CREB3L1: variants seen among roughly 807,000 people sequenced by gnomAD.
CREB3L1 encodes the protein cAMP responsive element binding protein 3 like 1, also known as cyclic AMP-responsive element-binding protein 3-like protein 1.
Under a neutral mutation model 54.5 loss-of-function variants are expected in CREB3L1, and 33 were observed. The observed-to-expected ratio is 0.61, with a 90% CI of 0.46 to 0.81. The LOEUF is 0.81. Among genes scored for constraint, CREB3L1 ranks in the 30% least tolerant of loss-of-function variants. The pLI, the probability that CREB3L1 is intolerant of heterozygous loss-of-function variation, is 0.00. For synonymous variants in CREB3L1, 284 were observed against 286.4 expected (o/e 0.99, Z 0.08); for missense variants, 656 against 673.3 (o/e 0.97, Z 0.29).
At chr11:46,317,250 G>A (rs1939580680) in intron 9 of CREB3L1, 111 bp from the exon 10 acceptor site, 1 of 1,429,414 alleles carries the variant, frequency 7.0e-7, no homozygotes, top group Admixed American at 1.9e-5. Context: ...TGCTTCCTTG[G>A]GAAAACGCTA....
At chr11:46,317,542 C>A (rs1939586450) in intron 10 of CREB3L1, 55 bp downstream of exon 10, 1 of 1,593,610 alleles carries the variant, frequency 6.3e-7, no homozygotes, top group African/African-American at 1.3e-5. Context: ...CTGCCCCAGC[C>A]CCAGTGTCCA....
Position 46,316,404 on chromosome 11 carries a change from A to C in CREB3L1, c.1131+19A>C. On this transcript the variant is annotated intron_variant, in intron 9 of 11. Transcript: ENST00000621158. The stretch of plus-strand genomic sequence containing the variant: ...CCTCATGGTAGGTGTGGCTCCCTCC[A>C]CCACAGACCCACAGGAGGAGAGTTC... The C allele has an allele frequency of 4.1e-6, 6 of 1,456,494 alleles. No individual in the cohort carries two copies. Among genetic ancestry groups the C allele is most frequent in the Non-Finnish European group, 4.7e-6 (5 of 1,059,486 alleles). 90.2% of individuals were successfully genotyped at this position (1,456,494 alleles called of 1,614,324 possible).
chr11:46,281,384 T>C (rs1938970644), intron 1 of CREB3L1, among the ~76,000 whole-genome samples: 1 of 152,214 alleles, frequency 6.6e-6, no homozygotes, highest in African/African-American at 2.4e-5. Context: ...TGTCCCCTCC[T>C]TCCTCTGGCT....
intron 7 of CREB3L1, 41 bp downstream of exon 7, chr11:46,312,711 T>C: frequency 6.3e-7 from 1 of 1,584,338 alleles, no homozygotes. Context: ...CTCCCTTGCC[T>C]GACCTGCCCT....
Position 46,316,330 on chromosome 11 carries a change from A to G in CREB3L1, c.1076A>G (p.Asn359Ser), listed in dbSNP as rs746441038. Residue 359 changes from asparagine (N) to serine (S), a missense_variant, in exon 9 of 12, where the codon AAC (asparagine) becomes AGC (serine). Physicochemically the swap from Asn to Ser is conservative, Grantham distance 46. This residue lies in a region of CREB3L1 where 240 missense variants were observed against 219.8 expected (regional missense o/e 1.09). Transcript: ENST00000621158. ...QLQKLQTLVT[N>S]KISRPYKMAA... ...CAGAAACTCCAGACTCTGGTCACCA[A>G]CAAGATCTCCAGACCTTACAAGATG... 5.1e-6 allele frequency: 8 copies of G among 1,575,960 alleles called. No individual in the cohort carries two copies. In the South Asian group the frequency reaches 7.0e-5, roughly 14 times the overall value.
At chr11:46,298,558 G>A (rs1939246096) in intron 1 of CREB3L1, among the ~76,000 whole-genome samples, 2 of 152,096 alleles carry the variant, frequency 1.3e-5, no homozygotes. Flanking sequence ...AATTAGCTGG[G>A]CGTGGTGGTG....
intron 1 of CREB3L1, among the ~76,000 whole-genome samples, chr11:46,289,783 G>C (rs1372333885): frequency 6.6e-6 from 1 of 152,212 alleles, no homozygotes; most frequent in Admixed American, 6.5e-5. Flanking sequence ...GGTAAGTTGG[G>C]ATCAGTTTCT....
chr11:46,317,465 C>A lies in CREB3L1; in HGVS notation c.1236C>A (p.Asp412Glu). 1 of 1,611,516 alleles carries A rather than the reference C, an allele frequency of 6.2e-7. No individual in the cohort carries two copies. The highest frequency in any genetic ancestry group is 8.5e-7 in the Non-Finnish European group (1 of 1,179,854). The change falls in exon 10 of 12, where the codon GAC becomes GAA. Residue 412 changes from aspartate (D) to glutamate (E), a missense_variant. Physicochemically the swap from Asp to Glu is conservative, Grantham distance 45. Coordinates refer to ENST00000621158, the MANE Select transcript of CREB3L1 (RefSeq NM_052854.4). ...TGAAGGAAGACCCCCTGGCCGCAGA[C>A]GGCGTCTACACGGCCAGCCAGAGTG... ...QTVKEDPLAA[D>E]GVYTASQMPS...
intron 9 of CREB3L1, among the ~76,000 whole-genome samples, chr11:46,316,914 A>C (rs990847322): frequency 6.6e-6 from 1 of 152,024 alleles, no homozygotes; most frequent in South Asian, 2.1e-4. Flanking sequence ...GTCAGGCAGC[A>C]GAACCAGGCT....
chr11:46,293,564 C>T (rs1448958543), intron 1 of CREB3L1, among the ~76,000 whole-genome samples: 1 of 152,234 alleles, frequency 6.6e-6, no homozygotes. Context: ...AAGTAGCCCG[C>T]GGCTGGCGCC....
At chr11:46,297,599 T>G (rs1247941428) in intron 1 of CREB3L1, among the ~76,000 whole-genome samples, 1 of 152,214 alleles carries the variant, frequency 6.6e-6, no homozygotes, top group African/African-American at 2.4e-5. Flanking sequence ...CTTGTCTCAT[T>G]GGATAATTGT....
At chr11:46,282,138 T>A (rs1938986517) in intron 1 of CREB3L1, among the ~76,000 whole-genome samples, 1 of 152,088 alleles carries the variant, frequency 6.6e-6, no homozygotes, top group Admixed American at 6.5e-5. Context: ...AATCGATGGA[T>A]GGATGAATGA....
chr11:46,312,265 G>A, intron 5 of CREB3L1, 60 bp from the exon 6 acceptor site: 1 of 1,443,346 alleles, frequency 6.9e-7, no homozygotes, highest in African/African-American at 1.4e-5. Flanking sequence ...GCACATGGCA[G>A]AGCTTGAATT....
chr11:46,279,753 G>C (rs1938938500), intron 1 of CREB3L1, among the ~76,000 whole-genome samples: 1 of 152,122 alleles, frequency 6.6e-6, no homozygotes, highest in Non-Finnish European at 1.5e-5. Context: ...AAAGAGGTTT[G>C]TCAGAGCTCG....
rs553082827 is a variant in CREB3L1 at position 46,317,451 on chromosome 11, C to T, written c.1222C>T (p.Pro408Ser). Reference sequence around the variant, plus strand: ...CGGCTCCCAGACTGTGAAGGAAGACCCCCTGGCCGCAGACGGCGTCTACAC... The same window carrying T: ...CGGCTCCCAGACTGTGAAGGAAGACTCCCTGGCCGCAGACGGCGTCTACAC... Reference protein sequence around the residue: ...SSGSQTVKEDPLAADGVYTAS... With the variant: ...SSGSQTVKEDSLAADGVYTAS... Residue 408 changes from proline (P) to serine (S), a missense_variant, in exon 10 of 12, where the codon CCC becomes TCC. Physicochemically the swap from Pro to Ser is moderately conservative, Grantham distance 74. Transcript: ENST00000621158. 6 of 1,612,854 alleles carry T rather than the reference C, an allele frequency of 3.7e-6. No individual in the cohort carries two copies. The highest frequency in any genetic ancestry group is 2.2e-5 in the South Asian group (2 of 91,082).
chr11:46,317,457 G>C lies in CREB3L1; in HGVS notation c.1228G>C (p.Ala410Pro). 1 of 1,612,098 alleles carries C rather than the reference G, an allele frequency of 6.2e-7. No homozygotes were observed. The highest frequency in any genetic ancestry group is 8.5e-7 in the Non-Finnish European group (1 of 1,179,840). ...CCAGACTGTGAAGGAAGACCCCCTGGCCGCAGACGGCGTCTACACGGCCAG... is the reference window on the plus strand; with the variant it reads ...CCAGACTGTGAAGGAAGACCCCCTGCCCGCAGACGGCGTCTACACGGCCAG... The part of the protein sequence containing the change: ...GSQTVKEDPL[A>P]ADGVYTASQM... Residue 410 changes from alanine to proline, a missense_variant, in exon 10 of 12, where the codon GCC (alanine) becomes CCC (proline). Around this residue, in one of 3 missense-constraint regions of CREB3L1, gnomAD observed 240 missense variants for 219.8 expected, o/e 1.09. Coordinates refer to ENST00000621158, the MANE Select transcript of CREB3L1 (RefSeq NM_052854.4).
At chr11:46,319,124 C>A (rs534257966) in intron 10 of CREB3L1, among the ~76,000 whole-genome samples, 1 of 152,302 alleles carries the variant, frequency 6.6e-6, no homozygotes, top group African/African-American at 2.4e-5. Context: ...AATGAATGAG[C>A]CCCTTGGAGG....
chr11:46,306,177 G>A (rs1939394360), intron 2 of CREB3L1, among the ~76,000 whole-genome samples: 2 of 152,206 alleles, frequency 1.3e-5, no homozygotes, highest in Admixed American at 1.3e-4. Context: ...CCAAAGCTGG[G>A]ATTATAGGCG....
chr11:46,282,885 C>T (rs1196901888), intron 1 of CREB3L1, among the ~76,000 whole-genome samples: 1 of 152,160 alleles, frequency 6.6e-6, no homozygotes, highest in African/African-American at 2.4e-5. Flanking sequence ...TAAATATGCC[C>T]AGTCAAAAAT....
Sources: allele counts gnomAD v4.1 joint callset (sites outside exome capture counted in the v4.1 genomes callset), GRCh38; gene constraint gnomAD v4.1.1; regional missense constraint gnomAD v4.1.1; transcripts MANE v1.5; gene names NCBI Gene and HGNC (gene_info 2026-07-23, HGNC 2026-07-21).